STXBP5L: variants seen among roughly 807,000 people sequenced by gnomAD.
STXBP5L encodes the protein syntaxin binding protein 5L, also known as syntaxin-binding protein 5-like.
A neutral mutation model predicts 144.5 loss-of-function variants in STXBP5L; 65 were observed. The ratio of observed to expected loss-of-function variants is 0.45; its 90% CI spans 0.37 to 0.55. The LOEUF (loss-of-function observed/expected upper bound fraction) is 0.55, where lower values mean the gene tolerates loss of function less well. STXBP5L is among the 20% of genes least tolerant of loss of function. The probability of loss-of-function intolerance (pLI) is 0.00; values close to 1 mark genes in which losing one functional copy is unlikely to be tolerated. For missense variants in STXBP5L, 1,298 were observed against 1,405.5 expected, an observed-to-expected ratio of 0.92 and a Z score of 1.22; for synonymous variants, 505 against 469.6, an observed-to-expected ratio of 1.08 and a Z score of -0.97.
chr3:121,401,209 G>T (rs940307768), intron 22 of STXBP5L, among the ~76,000 whole-genome samples: 13 of 152,138 alleles, frequency 8.5e-5, no homozygotes, highest in Admixed American at 7.9e-4. Flanking sequence ...TCAGTTTTTA[G>T]CTGTGTGTCT....
chr3:121,045,684 T>C lies in STXBP5L; in HGVS notation c.470+149T>C, dbSNP rs1036094763. On this transcript the variant is annotated intron_variant, in intron 5 of 26. Transcript: ENST00000471454. ...TGCTTACTTTCATAGTGTTTTCTTT[T>C]TTGTAGAAAATGCGTAATTGATATA... 9 of 744,352 alleles carry C rather than the reference T, an allele frequency of 1.2e-5. No individual in the cohort carries two copies. In the South Asian group the frequency reaches 1.4e-4, roughly 12 times the overall value. The allele number at this position is 744,352 out of a possible 1,614,324, so 46.1% of individuals were successfully genotyped here.
At chr3:121,210,562 A>G (rs1308345590) in intron 10 of STXBP5L, among the ~76,000 whole-genome samples, 2 of 152,126 alleles carry the variant, frequency 1.3e-5, no homozygotes, top group Non-Finnish European at 2.9e-5. Flanking sequence ...TTATGGTTTT[A>G]GGTCTAACAT....
At chr3:121,017,975 A>T (rs536485855) in intron 3 of STXBP5L, among the ~76,000 whole-genome samples, 1 of 152,266 alleles carries the variant, frequency 6.6e-6, no homozygotes, top group East Asian at 1.9e-4. Context: ...ACTACCCAGG[A>T]GGCTGAGTTG....
At chr3:120,939,199 T>A (rs1370394378) in intron 2 of STXBP5L, among the ~76,000 whole-genome samples, 1 of 152,212 alleles carries the variant, frequency 6.6e-6, no homozygotes, top group Non-Finnish European at 1.5e-5. Flanking sequence ...TTTTTCATTG[T>A]GTCTAGTACG....
At chr3:121,098,839 C>G (rs1361954646) in intron 5 of STXBP5L, among the ~76,000 whole-genome samples, 2 of 152,100 alleles carry the variant, frequency 1.3e-5, no homozygotes, top group East Asian at 1.9e-4. Context: ...CCACTTTACT[C>G]CCTTCAAAAG....
chr3:120,976,544 T>C (rs1941046376), intron 3 of STXBP5L, among the ~76,000 whole-genome samples: 1 of 152,198 alleles, frequency 6.6e-6, no homozygotes, highest in Admixed American at 6.5e-5. Context: ...CTCTATCTCC[T>C]TCAGTTCTGC....
At chr3:121,315,719 G>A (rs948687809) in intron 19 of STXBP5L, among the ~76,000 whole-genome samples, 3 of 151,916 alleles carry the variant, frequency 2.0e-5, no homozygotes, top group African/African-American at 7.2e-5. Flanking sequence ...ATCATGGAAG[G>A]GGCCAGGCGT....
At position 121,064,877 on chromosome 3, in the gene STXBP5L, G is replaced by T. The variant is rs571892137; in HGVS notation, c.470+19342G>T. ...ATAGTACCAAATAGGTAGTTTTTCCGTCTAGTATGTAGTTTGCCTTCCTCC... is the reference window on the plus strand; with the variant it reads ...ATAGTACCAAATAGGTAGTTTTTCCTTCTAGTATGTAGTTTGCCTTCCTCC... On this transcript the variant is annotated intron_variant, in intron 5 of 26. Transcript: ENST00000471454. Among the ~76,000 whole-genome samples the T allele has an allele frequency of 1.8e-4, 28 of 152,208 alleles. No homozygotes were observed. The South Asian group carries it at 5.8e-3, about 32-fold the overall frequency.
intron 10 of STXBP5L, among the ~76,000 whole-genome samples, chr3:121,216,397 T>C (rs565353441): frequency 6.6e-6 from 1 of 152,346 alleles, no homozygotes; most frequent in East Asian, 1.9e-4. Flanking sequence ...ATGTTGATGC[T>C]ATTCCTTTCT....
chr3:121,412,258 C>G (rs925549577), intron 23 of STXBP5L, among the ~76,000 whole-genome samples: 9 of 152,016 alleles, frequency 5.9e-5, no homozygotes, highest in African/African-American at 1.7e-4. Context: ...GAATGGGCAC[C>G]CAGTGGTCTG....
intron 20 of STXBP5L, among the ~76,000 whole-genome samples, chr3:121,347,774 A>G (rs1281677296): frequency 7.9e-5 from 12 of 152,288 alleles, no homozygotes; most frequent in South Asian, 6.2e-4. Flanking sequence ...TTATTGGTGT[A>G]TAAGAATGCT....
intron 20 of STXBP5L, among the ~76,000 whole-genome samples, chr3:121,340,595 C>A (rs1026481219): frequency 6.6e-6 from 1 of 151,728 alleles, no homozygotes; most frequent in Admixed American, 6.6e-5. Context: ...GGTGTTCTGC[C>A]CTTGTGATAG....
intron 6 of STXBP5L, among the ~76,000 whole-genome samples, chr3:121,117,764 G>A (rs1285772619): frequency 1.3e-5 from 2 of 151,422 alleles, no homozygotes; most frequent in Non-Finnish European, 3.0e-5. Flanking sequence ...TATTCTAATT[G>A]CAATTAGAGG....
Position 121,097,401 on chromosome 3 carries a change from G to T in STXBP5L, c.471-17524G>T, listed in dbSNP as rs533946800. Among the ~76,000 whole-genome samples the T allele has an allele frequency of 3.9e-5, 6 of 152,266 alleles. No homozygotes were observed. In the South Asian group the frequency reaches 1.2e-3, roughly 32 times the overall value. ...AGCTAGTTCAGTGTTTTCCCTAATG[G>T]CCACCCAGTTTTGTGCTCGAAACCC... On this transcript the variant is annotated intron_variant, in intron 5 of 26. Transcript: ENST00000471454.
intron 10 of STXBP5L, among the ~76,000 whole-genome samples, chr3:121,218,937 A>G (rs2108280808): frequency 6.6e-6 from 1 of 152,248 alleles, no homozygotes; most frequent in Middle Eastern, 3.4e-3. Context: ...TTTGATGAAG[A>G]CACATAGTGG....
chr3:121,206,020 G>T lies in STXBP5L; in HGVS notation c.956+19G>T. 7.1e-7 allele frequency: 1 copy of T among 1,406,916 alleles called. No homozygotes were observed. Among genetic ancestry groups the T allele is most frequent in the South Asian group, 1.6e-5 (1 of 64,456 alleles). The allele number at this position is 1,406,916 out of a possible 1,614,324, so 87.2% of individuals were successfully genotyped here. On this transcript the variant is annotated intron_variant, in intron 10 of 26. Transcript: ENST00000471454. ...AAAACAGGTATGCATTTTTACTTTA[G>T]GGAAAGAGGGATACGAAGCAGAGAC... is the stretch of plus-strand genomic sequence containing the variant.
chr3:121,176,441 G>C (rs1319904146), intron 9 of STXBP5L, among the ~76,000 whole-genome samples: 1 of 125,846 alleles, frequency 7.9e-6, no homozygotes, highest in Non-Finnish European at 1.7e-5. Flanking sequence ...GAAACCAAAA[G>C]AGAGTTCTTT....
intron 10 of STXBP5L, among the ~76,000 whole-genome samples, chr3:121,208,789 T>TG (rs2048439760): frequency 6.6e-6 from 1 of 152,138 alleles, no homozygotes; most frequent in South Asian, 2.1e-4. Context: ...TTATTATACT[T>TG]TAAGTTTTGG....
intron 13 of STXBP5L, 84 bp from the exon 14 acceptor site, chr3:121,240,356 T>G: frequency 7.8e-7 from 1 of 1,276,540 alleles, no homozygotes; most frequent in Non-Finnish European, 1.1e-6. Context: ...AGTGAGCTTT[T>G]TATCATTATT....
Sources: gnomAD v4.1 joint callset for allele counts (sites outside exome capture counted in the v4.1 genomes callset) on GRCh38, gnomAD v4.1.1 for gene constraint, MANE v1.5 for transcripts, NCBI Gene and HGNC (gene_info 2026-07-23, HGNC 2026-07-21) for gene names.